Variants in GRAMD1B observed in about 807,000 individuals in gnomAD.
The protein encoded by GRAMD1B is GRAM domain containing 1B.
In GRAMD1B, 37 loss-of-function variants were observed where a neutral mutation model predicts 99.7. The observed-to-expected ratio is 0.37, with a 90% confidence interval of 0.29 to 0.49. The LOEUF is 0.49. Among genes scored for constraint, GRAMD1B ranks in the 20% least tolerant of loss-of-function variants. GRAMD1B has a pLI of 0.98. For synonymous variants in GRAMD1B, 427 were observed against 387.6 expected, an observed-to-expected ratio of 1.10 and a Z score of -1.19; for missense variants, 888 against 1,009.2, an observed-to-expected ratio of 0.88 and a Z score of 1.63.
rs188973824 is a variant in GRAMD1B at position 123,406,417 on chromosome 11, C to T, written c.-176+47618C>T. Among the ~76,000 whole-genome samples, 154 of 152,254 alleles carry T rather than the reference C, an allele frequency of 1.0e-3. 1 individual carries two copies. The highest frequency in any genetic ancestry group is 3.4e-3 in the Middle Eastern group (1 of 294). ...TACAGGCATGTGCCACCACACCCAG[C>T]TAATGTTGGTATTTTTAGTAGAGAC... On this transcript the variant is annotated intron_variant, in intron 1 of 20. Coordinates refer to the GRAMD1B transcript ENST00000638157.
intron 4 of GRAMD1B, among the ~76,000 whole-genome samples, chr11:123,586,797 A>G (rs1403241597): frequency 1.3e-5 from 2 of 152,240 alleles, no homozygotes; most frequent in Non-Finnish European, 2.9e-5. Flanking sequence ...CCCTTCAGGC[A>G]GGATCCCTCT....
In GRAMD1B at chr11:123,618,631, G is replaced by A. The variant is rs557610175; in HGVS notation, c.2319-62G>A. The A allele has an allele frequency of 1.7e-5, 16 of 943,872 alleles. No homozygotes were observed. The South Asian group carries it at 1.7e-4, about 10-fold the overall frequency. The allele number at this position is 943,872 out of a possible 1,614,324, so 58.5% of individuals were successfully genotyped here. A position where few individuals can be genotyped will look rare whatever the true frequency, so the allele number is the denominator to read the frequency against. ...AGGGACAGCAGCCTCTGGGATGGGG[G>A]ATGTCCTAGGCTCAGGTGACATCTC... On this transcript the variant is annotated intron_variant, in intron 17 of 19. Transcript: ENST00000635736.
intron 2 of GRAMD1B, chr11:123,559,723 G>A: frequency 1.0e-6 from 1 of 980,450 alleles, no homozygotes; most frequent in Non-Finnish European, 1.2e-6. Flanking sequence ...TACTCTTGCT[G>A]TCTGTGAGAG....
At chr11:123,600,368 G>T in intron 7 of GRAMD1B, 100 bp from the exon 8 acceptor site, 1 of 725,846 alleles carries the variant, frequency 1.4e-6, no homozygotes, top group Non-Finnish European at 2.3e-6. Context: ...AGTGTTTGAG[G>T]ATGAAGTCAG....
intron 2 of GRAMD1B, among the ~76,000 whole-genome samples, chr11:123,526,427 T>C (rs1207532559): frequency 1.3e-5 from 2 of 152,160 alleles, no homozygotes; most frequent in Admixed American, 6.5e-5. Flanking sequence ...GAGAATCAAA[T>C]TGCAGCTAAA....
chr11:123,441,364 G>A (rs1428997136), intron 1 of GRAMD1B, among the ~76,000 whole-genome samples: 2 of 152,176 alleles, frequency 1.3e-5, no homozygotes, highest in Non-Finnish European at 2.9e-5. Flanking sequence ...CAGGCCGGGT[G>A]TGGTGGTTCA....
Position 123,378,523 on chromosome 11 carries a change from T to A in GRAMD1B, c.-176+19724T>A, listed in dbSNP as rs144182636. Among the ~76,000 whole-genome samples, 235 of 152,352 alleles carry A rather than the reference T, an allele frequency of 1.5e-3. 2 individuals carry two copies. The highest frequency in any genetic ancestry group is 3.2e-3 in the Admixed American group (49 of 15,308). On this transcript the variant is annotated intron_variant, in intron 1 of 20. Coordinates refer to the GRAMD1B transcript ENST00000638157. Reference sequence around the variant, plus strand: ...TGCTTAGTTTTAAGCAGGACTTTCATGAGTATAATCTCAAGCAGTCTGGAA... The same window carrying A: ...TGCTTAGTTTTAAGCAGGACTTTCAAGAGTATAATCTCAAGCAGTCTGGAA...
At chr11:123,410,730 T>C (rs1948017509) in intron 1 of GRAMD1B, among the ~76,000 whole-genome samples, 2 of 152,120 alleles carry the variant, frequency 1.3e-5, no homozygotes, top group Non-Finnish European at 2.9e-5. Flanking sequence ...CAAAGAGAAC[T>C]TCCAGATCAC....
chr11:123,609,925 C>T lies in GRAMD1B; in HGVS notation c.1776+12C>T, dbSNP rs372560334. The T allele has an allele frequency of 9.5e-5, 131 of 1,385,524 alleles. No individual in the cohort carries two copies. Among genetic ancestry groups the T allele is most frequent in the African/African-American group, 3.4e-4 (24 of 70,218 alleles). The allele number at this position is 1,385,524 out of a possible 1,614,324, so 85.8% of individuals were successfully genotyped here. ...TCAGGGAGACACAGGTGAGCAGAGC[C>T]GCGGATGCACAGAAGAGCGAGCTGG... On this transcript the variant is annotated intron_variant, in intron 13 of 19. Coordinates refer to ENST00000635736, the MANE Select transcript of GRAMD1B (RefSeq NM_001387025.1).
chr11:123,490,544 T>C (rs1394939083), intron 2 of GRAMD1B, among the ~76,000 whole-genome samples: 1 of 152,194 alleles, frequency 6.6e-6, no homozygotes, highest in African/African-American at 2.4e-5. Context: ...TAGGAGCCTA[T>C]TACTGTATCC....
In GRAMD1B at chr11:123,613,504, A is replaced by G; in HGVS notation, c.2073A>G (p.Arg691=). The part of the protein sequence containing the change: ...TESTYLAEMH[R]QSPKEKASKT... ...GCACTTATTTGGCTGAGATGCACAG[A>G]CAATCTCCCAAAGAGAAGGCCAGCA... The change falls in exon 16 of 20, where the codon AGA becomes AGG. Residue 691 remains arginine, a synonymous_variant. Transcript: ENST00000635736. 6.2e-7 allele frequency: 1 copy of G among 1,613,342 alleles called. No individual in the cohort carries two copies. Among genetic ancestry groups the G allele is most frequent in the South Asian group, 1.1e-5 (1 of 90,814 alleles).
chr11:123,374,150 T>C (rs1407165375), intron 1 of GRAMD1B, among the ~76,000 whole-genome samples: 8 of 152,228 alleles, frequency 5.3e-5, no homozygotes, highest in Non-Finnish European at 7.4e-5. Flanking sequence ...GATGTGTTTG[T>C]AGTGTGGATT....
chr11:123,611,934 G>C (rs1003318337), intron 14 of GRAMD1B, among the ~76,000 whole-genome samples: 1 of 152,146 alleles, frequency 6.6e-6, no homozygotes, highest in Non-Finnish European at 1.5e-5. Flanking sequence ...CAAAGAGCAG[G>C]GCTGCTGCAT....
chr11:123,482,152 G>A (rs1186619469), intron 2 of GRAMD1B, among the ~76,000 whole-genome samples: 2 of 151,444 alleles, frequency 1.3e-5, no homozygotes, highest in Admixed American at 1.3e-4. Flanking sequence ...AGGCTGGAGT[G>A]CAGTGGTGCA....
At chr11:123,395,775 G>A (rs973238258) in intron 1 of GRAMD1B, among the ~76,000 whole-genome samples, 18 of 152,186 alleles carry the variant, frequency 1.2e-4, no homozygotes, top group African/African-American at 4.1e-4. Context: ...AGCCAAGGAT[G>A]AAAACCCCTG....
intron 1 of GRAMD1B, among the ~76,000 whole-genome samples, chr11:123,470,296 C>G (rs1565526626): frequency 6.6e-6 from 1 of 152,172 alleles, no homozygotes; most frequent in Non-Finnish European, 1.5e-5. Flanking sequence ...CTAACCATTT[C>G]TTATTTAGAA....
intron 1 of GRAMD1B, among the ~76,000 whole-genome samples, chr11:123,384,195 A>G (rs1946981940): frequency 6.6e-6 from 1 of 152,220 alleles, no homozygotes; most frequent in East Asian, 1.9e-4. Flanking sequence ...AAAAATCAGC[A>G]TACATGTATT....
intron 2 of GRAMD1B, among the ~76,000 whole-genome samples, chr11:123,549,816 G>C (rs1358266241): frequency 6.6e-6 from 1 of 152,138 alleles, no homozygotes; most frequent in Admixed American, 6.5e-5. Flanking sequence ...AGTGTATATT[G>C]CATCCCTAAC....
intron 2 of GRAMD1B, among the ~76,000 whole-genome samples, chr11:123,560,905 C>T (rs1946695312): frequency 1.3e-5 from 2 of 152,134 alleles, no homozygotes; most frequent in African/African-American, 4.8e-5. Flanking sequence ...AGAGTAAATC[C>T]GGAGTCCATG....
Sources: allele counts gnomAD v4.1 joint callset (sites outside exome capture counted in the v4.1 genomes callset), GRCh38; gene constraint gnomAD v4.1.1; transcripts MANE v1.5; gene names NCBI Gene and HGNC (gene_info 2026-07-23, HGNC 2026-07-21).